Variants in POU6F2 observed in about 807,000 individuals in gnomAD.
POU6F2 encodes the protein POU class 6 homeobox 2, also known as POU domain, class 6, transcription factor 2.
A neutral mutation model predicts 71.3 loss-of-function variants in POU6F2; 31 were observed. The observed-to-expected ratio is 0.43, with a 90% confidence interval of 0.33 to 0.59. The LOEUF is 0.59. Among genes scored for constraint, POU6F2 ranks in the 20% least tolerant of loss-of-function variants. The pLI, the probability that POU6F2 is intolerant of heterozygous loss-of-function variation, is 0.04. For synonymous variants in POU6F2, 347 were observed against 355.7 expected (o/e 0.98, Z 0.27); for missense variants, 783 against 856.8 (o/e 0.91, Z 1.07).
chr7:39,173,236 T>C (rs530869432), intron 2 of POU6F2, among the ~76,000 whole-genome samples: 4 of 152,366 alleles, frequency 2.6e-5, no homozygotes, highest in African/African-American at 9.6e-5. Flanking sequence ...AGTAGCTGTA[T>C]GTAGCTAGCT....
At chr7:39,284,100 A>G (rs1784611615) in intron 4 of POU6F2, among the ~76,000 whole-genome samples, 1 of 152,220 alleles carries the variant, frequency 6.6e-6, no homozygotes, top group South Asian at 2.1e-4. Context: ...GGTCTAGAGA[A>G]GGCTGGAAAT....
chr7:39,138,923 A>G lies in POU6F2; in HGVS notation c.277+52892A>G, dbSNP rs1196365644. Reference sequence around the variant, plus strand: ...CCTTCACCTCCTCTTGCTTGAACCTAGTAAATTAGAATTTATCACCTGTTG... The same window carrying G: ...CCTTCACCTCCTCTTGCTTGAACCTGGTAAATTAGAATTTATCACCTGTTG... On this transcript the variant is annotated intron_variant, in intron 2 of 9. Coordinates refer to ENST00000518318, the MANE Select transcript of POU6F2 (RefSeq NM_001370959.1). Among the ~76,000 whole-genome samples the G allele has an allele frequency of 2.0e-5, 3 of 152,052 alleles. No individual in the cohort carries two copies. The East Asian group carries it at 5.8e-4, about 29-fold the overall frequency.
At chr7:39,401,277 G>A (rs1187205593) in intron 5 of POU6F2, among the ~76,000 whole-genome samples, 1 of 152,188 alleles carries the variant, frequency 6.6e-6, no homozygotes, top group African/African-American at 2.4e-5. Context: ...GGCAGAGAGT[G>A]GGAAGGTCAG....
intron 7 of POU6F2, 111 bp from the exon 8 acceptor site, chr7:39,451,422 A>G (rs1236256195): frequency 5.9e-6 from 7 of 1,182,572 alleles, no homozygotes; most frequent in South Asian, 4.7e-5. Flanking sequence ...CCTGAGAAGT[A>G]TATATTCTTG....
intron 6 of POU6F2, among the ~76,000 whole-genome samples, chr7:39,424,030 GT>G (rs1394879220): frequency 6.6e-6 from 1 of 152,202 alleles, no homozygotes; most frequent in Non-Finnish European, 1.5e-5. Context: ...CAAGATCACA[GT>G]GCCAGCAGAT....
intron 4 of POU6F2, among the ~76,000 whole-genome samples, chr7:39,328,617 G>A (rs142743360): frequency 1.8e-4 from 27 of 152,296 alleles, no homozygotes; most frequent in African/African-American, 5.1e-4. Context: ...CAGAATGCCC[G>A]TTTTAATTTA....
chr7:39,268,165 A>G (rs1186519894), intron 4 of POU6F2, among the ~76,000 whole-genome samples: 1 of 152,144 alleles, frequency 6.6e-6, no homozygotes, highest in East Asian at 1.9e-4. Context: ...CAGAGTGTGA[A>G]AGTCACACAG....
At chr7:39,444,739 C>A (rs539376061) in intron 7 of POU6F2, among the ~76,000 whole-genome samples, 1 of 152,210 alleles carries the variant, frequency 6.6e-6, no homozygotes, top group East Asian at 1.9e-4. Context: ...ATGGTGAACA[C>A]CTCCCAAAGT....
chr7:39,135,178 T>C (rs540668370), intron 2 of POU6F2, among the ~76,000 whole-genome samples: 66 of 152,300 alleles, frequency 4.3e-4, no homozygotes, highest in African/African-American at 1.5e-3. Context: ...CTGGATGAAA[T>C]AGACAATTTA....
chr7:39,201,109 G>C (rs1793892216), intron 2 of POU6F2, among the ~76,000 whole-genome samples: 1 of 152,164 alleles, frequency 6.6e-6, no homozygotes, highest in Non-Finnish European at 1.5e-5. Flanking sequence ...AGCATGCGCT[G>C]TTTCATGAAA....
At chr7:39,299,896 C>T (rs1784922304) in intron 4 of POU6F2, among the ~76,000 whole-genome samples, 1 of 152,184 alleles carries the variant, frequency 6.6e-6, no homozygotes, top group Admixed American at 6.5e-5. Context: ...TCCTTCAGGC[C>T]ATGCTTTTTG....
chr7:39,152,497 A>AC (rs1212417358), intron 2 of POU6F2, among the ~76,000 whole-genome samples: 3 of 152,004 alleles, frequency 2.0e-5, no homozygotes, highest in African/African-American at 7.2e-5. Context: ...CTGTTGGCAG[A>AC]CCCCCATAAA....
intron 2 of POU6F2, among the ~76,000 whole-genome samples, chr7:39,146,032 G>A (rs929877302): frequency 1.3e-5 from 2 of 152,196 alleles, no homozygotes; most frequent in African/African-American, 4.8e-5. Context: ...TAAAGCTTCA[G>A]GGATGAGCTG....
chr7:39,043,888 A>G (rs1790241144), intron 1 of POU6F2, among the ~76,000 whole-genome samples: 1 of 151,880 alleles, frequency 6.6e-6, no homozygotes, highest in Non-Finnish European at 1.5e-5. Context: ...GGTTTTCAGG[A>G]ATCCCATAAT....
intron 1 of POU6F2, among the ~76,000 whole-genome samples, chr7:39,079,649 A>G (rs960696246): frequency 6.6e-6 from 1 of 152,134 alleles, no homozygotes; most frequent in Non-Finnish European, 1.5e-5. Context: ...TTAATTTTGA[A>G]TGTCCTGCTT....
At chr7:39,131,940 C>T (rs571684475) in intron 2 of POU6F2, among the ~76,000 whole-genome samples, 19 of 151,962 alleles carry the variant, frequency 1.3e-4, no homozygotes, top group Non-Finnish European at 2.5e-4. Flanking sequence ...GCACACAATG[C>T]GTAATAATCA....
chr7:39,176,685 A>T (rs1417262683), intron 2 of POU6F2, among the ~76,000 whole-genome samples: 2 of 152,216 alleles, frequency 1.3e-5, no homozygotes, highest in Non-Finnish European at 2.9e-5. Flanking sequence ...AAGAAAGGTC[A>T]AAAAGAAAAT....
chr7:39,290,099 T>C (rs1014683717), intron 4 of POU6F2, among the ~76,000 whole-genome samples: 2 of 152,228 alleles, frequency 1.3e-5, no homozygotes, highest in African/African-American at 4.8e-5. Context: ...AAAGTATTTT[T>C]TAACGTGTTT....
intron 5 of POU6F2, among the ~76,000 whole-genome samples, chr7:39,399,861 A>C (rs1228310765): frequency 6.8e-5 from 6 of 88,322 alleles, no homozygotes; most frequent in African/African-American, 2.6e-4. Context: ...AGAATGTAAC[A>C]AAAAAAAAAA....
Sources: gnomAD v4.1 joint callset for allele counts (sites outside exome capture counted in the v4.1 genomes callset) on GRCh38, gnomAD v4.1.1 for gene constraint, MANE v1.5 for transcripts, NCBI Gene and HGNC (gene_info 2026-07-23, HGNC 2026-07-21) for gene names.